Variants in SRSF4 observed in about 807,000 individuals in gnomAD.
The protein encoded by SRSF4 is serine/arginine-rich splicing factor 4.
SRSF4 carries 12 observed loss-of-function variants against 48.8 expected under a neutral mutation model. The ratio of observed to expected loss-of-function variants is 0.25; its 90% confidence interval spans 0.16 to 0.40. The LOEUF is 0.40. Ranked by LOEUF, SRSF4 falls within the 10% of genes least tolerant of loss-of-function variation. SRSF4 has a pLI of 1.00. For synonymous variants in SRSF4, 248 were observed against 232.5 expected (o/e 1.07, Z -0.61); for missense variants, 466 against 667.1 (o/e 0.70, Z 3.32).
At chr1:29,162,034 TAGG>T (rs1672604844) in intron 1 of SRSF4, among the ~76,000 whole-genome samples, 2 of 152,192 alleles carry the variant, frequency 1.3e-5, no homozygotes, top group African/African-American at 4.8e-5. Flanking sequence ...TTACAATGTG[TAGG>T]TAACAACGTT....
At chr1:29,155,151 C>A (rs547560601) in intron 3 of SRSF4, among the ~76,000 whole-genome samples, 1 of 152,226 alleles carries the variant, frequency 6.6e-6, no homozygotes, top group African/African-American at 2.4e-5. Flanking sequence ...AGTTTTGGGG[C>A]CAAGTGTGGT....
At chr1:29,174,829 A>G (rs1672812105) in intron 1 of SRSF4, among the ~76,000 whole-genome samples, 1 of 151,832 alleles carries the variant, frequency 6.6e-6, no homozygotes, top group Non-Finnish European at 1.5e-5. Flanking sequence ...GTGCGCCATC[A>G]TGCCCAGCTA....
intron 1 of SRSF4, among the ~76,000 whole-genome samples, chr1:29,162,045 G>A (rs912034988): frequency 5.9e-5 from 9 of 152,114 alleles, no homozygotes; most frequent in Non-Finnish European, 2.9e-5. Context: ...AGGTAACAAC[G>A]TTGGAGGGTT....
chr1:29,169,627 A>C (rs1165938057), intron 1 of SRSF4: 4 of 152,236 alleles, frequency 2.6e-5, no homozygotes, highest in African/African-American at 9.6e-5. Flanking sequence ...CAGCAATGAG[A>C]ACACAAATAT....
At chr1:29,171,818 T>C (rs1477300050) in intron 1 of SRSF4, 2 of 152,170 alleles carry the variant, frequency 1.3e-5, no homozygotes, top group Non-Finnish European at 2.9e-5. Flanking sequence ...ATACTTCGTA[T>C]GGCCCTTAAA....
At chr1:29,162,514 C>T (rs979165118) in intron 1 of SRSF4, among the ~76,000 whole-genome samples, 1 of 152,184 alleles carries the variant, frequency 6.6e-6, no homozygotes, top group Non-Finnish European at 1.5e-5. Flanking sequence ...GGATTCAAAA[C>T]AATAACAACA....
intron 5 of SRSF4, among the ~76,000 whole-genome samples, chr1:29,149,688 GA>G (rs35111206): frequency 0.16 from 15,816 of 100,824 alleles, 1,234 homozygotes; most frequent in East Asian, 0.39. Context: ...CTTGAGGGGG[GA>G]AAAAAAAAAA....
At chr1:29,152,982 T>C (rs1455364444) in intron 4 of SRSF4, among the ~76,000 whole-genome samples, 1 of 152,140 alleles carries the variant, frequency 6.6e-6, no homozygotes, top group East Asian at 1.9e-4. Flanking sequence ...CTCTGCCTTA[T>C]TCATTAGGGC....
rs868429329 is a variant in SRSF4, at chr1:29,153,181, G to A, written c.578+1515C>T. 3.3e-5 allele frequency among the ~76,000 whole-genome samples: 5 copies of A among 152,266 alleles called. No individual in the cohort carries two copies. The South Asian group carries it at 1.0e-3, about 32-fold the overall frequency. ...GAGTCTCTTTCTGTCGCCCAGGCTG[G>A]AGTATAGTGGAGTGATCTCTGCTCA... On this transcript the variant is annotated intron_variant, in intron 4 of 5. Transcript: ENST00000373795.
At chr1:29,167,935 CA>C (rs1395698193) in intron 1 of SRSF4, among the ~76,000 whole-genome samples, 5 of 151,298 alleles carry the variant, frequency 3.3e-5, no homozygotes, top group African/African-American at 1.2e-4. Context: ...TCAAGGAGCT[CA>C]TGAGTGAAGG....
chr1:29,148,440 T>C lies in SRSF4; in HGVS notation c.1455A>G (p.Arg485=). ...ACCTTGAGTGGGACCTAGATCTAGA[T>C]CGGGAGGGCGATCTGGAAGCAGACC... ...RSRSASRSPS[R]SRSRSHSRS Residue 485 remains arginine, a synonymous_variant, in exon 6 of 6, where the codon CGA becomes CGG. Transcript: ENST00000373795. The C allele has an allele frequency of 6.2e-7, 1 of 1,607,932 alleles. No homozygotes were observed. Among genetic ancestry groups the C allele is most frequent in the Non-Finnish European group, 8.5e-7 (1 of 1,176,562 alleles).
At chr1:29,166,248 T>A (rs1412222600) in intron 1 of SRSF4, among the ~76,000 whole-genome samples, 1 of 152,186 alleles carries the variant, frequency 6.6e-6, no homozygotes, top group Non-Finnish European at 1.5e-5. Flanking sequence ...GTCCTATGCT[T>A]CAGCCAACTT....
chr1:29,179,915 T>C (rs1011193986), intron 1 of SRSF4, among the ~76,000 whole-genome samples: 2 of 152,226 alleles, frequency 1.3e-5, no homozygotes, highest in Admixed American at 6.5e-5. Context: ...GATGAATCAG[T>C]TTCCCATTAA....
intron 1 of SRSF4, among the ~76,000 whole-genome samples, chr1:29,178,504 C>T (rs747189809): frequency 9.5e-4 from 144 of 152,066 alleles, no homozygotes; most frequent in Middle Eastern, 3.4e-3. Flanking sequence ...CCACCATGCC[C>T]GGCTACTTTT....
At chr1:29,153,240 C>T (rs1490748219) in intron 4 of SRSF4, among the ~76,000 whole-genome samples, 2 of 152,016 alleles carry the variant, frequency 1.3e-5, no homozygotes, top group Admixed American at 6.6e-5. Flanking sequence ...CCGGTTTAAG[C>T]GATTCTCCTG....
rs1324722366 is a variant in SRSF4 at position 29,148,540 on chromosome 1, G to A, written c.1355C>T (p.Pro452Leu). ...GGAGCGTGATTCTGATGGAAGGTTT[G>A]GTTTCGATTTGGAATTGGATCTCGA... ...SRSRSNSKSK[P>L]NLPSESRSRS... Residue 452 changes from proline to leucine, a missense_variant, in exon 6 of 6, where the codon CCA (proline) becomes CTA (leucine). Coordinates refer to ENST00000373795, the MANE Select transcript of SRSF4 (RefSeq NM_005626.5). 4 of 1,613,964 alleles carry A rather than the reference G, an allele frequency of 2.5e-6. No homozygotes were observed. The highest frequency in any genetic ancestry group is 1.6e-4 in the Middle Eastern group (1 of 6,084).
chr1:29,177,642 T>C (rs1319773261), intron 1 of SRSF4, among the ~76,000 whole-genome samples: 3 of 152,010 alleles, frequency 2.0e-5, no homozygotes, highest in South Asian at 2.1e-4. Context: ...TAATGGGAAA[T>C]GGAATGGTCT....
At chr1:29,153,241 G>T (rs774834450) in intron 4 of SRSF4, among the ~76,000 whole-genome samples, 35 of 152,072 alleles carry the variant, frequency 2.3e-4, no homozygotes, top group Non-Finnish European at 4.7e-4. Flanking sequence ...CGGTTTAAGC[G>T]ATTCTCCTGC....
At chr1:29,181,008 A>G (rs1672946416) in intron 1 of SRSF4, among the ~76,000 whole-genome samples, 1 of 152,228 alleles carries the variant, frequency 6.6e-6, no homozygotes, top group African/African-American at 2.4e-5. Flanking sequence ...ACGGAGTCTT[A>G]AAGATAAGAA....
Sources: allele counts gnomAD v4.1 joint callset (sites outside exome capture counted in the v4.1 genomes callset), GRCh38; gene constraint gnomAD v4.1.1; transcripts MANE v1.5; gene names NCBI Gene and HGNC (gene_info 2026-07-23, HGNC 2026-07-21).